Variants in REPS2 observed in about 807,000 individuals in gnomAD.
The protein encoded by REPS2 is ralBP1-associated Eps domain-containing protein 2.
A neutral mutation model predicts 53.6 loss-of-function variants in REPS2; 23 were observed. The observed-to-expected ratio is 0.43, with a 90% CI of 0.31 to 0.61. The LOEUF (loss-of-function observed/expected upper bound fraction) is 0.61, where lower values mean the gene tolerates loss of function less well. Ranked by LOEUF, REPS2 falls within the 20% of genes least tolerant of loss-of-function variation. The pLI is 0.11. For synonymous variants in REPS2, 238 were observed against 218.6 expected (o/e 1.09, Z -0.78); for missense variants, 446 against 534.9 (o/e 0.83, Z 1.64).
At chrX:17,006,133 G>A (rs1207002961) in intron 1 of REPS2, 88 bp from the exon 2 acceptor site, 1 of 1,085,194 alleles carries the variant, frequency 9.2e-7, no homozygotes. Flanking sequence ...GCCACTAGGT[G>A]AAATCCTTGA....
intron 1 of REPS2, among the ~76,000 whole-genome samples, chrX:16,968,818 G>A (rs1180855298): frequency 1.9e-5 from 2 of 107,668 alleles, no homozygotes; most frequent in African/African-American, 6.8e-5. Context: ...CTGGCCGGGC[G>A]GGGGGCTGAC....
At chrX:17,022,583 T>G (rs2061590591) in intron 3 of REPS2, among the ~76,000 whole-genome samples, 1 of 112,471 alleles carries the variant, frequency 8.9e-6, no homozygotes, top group African/African-American at 3.2e-5. Flanking sequence ...GAAATGTAAC[T>G]TCCAGGAGTT....
chrX:17,105,575 T>C (rs1350936976), intron 14 of REPS2, among the ~76,000 whole-genome samples: 5 of 111,992 alleles, frequency 4.5e-5, no homozygotes, highest in African/African-American at 6.5e-5. Context: ...GGGAATTCTC[T>C]AGTCACTGTT....
intron 17 of REPS2, among the ~76,000 whole-genome samples, chrX:17,140,826 G>A (rs1200585275): frequency 2.8e-5 from 3 of 107,124 alleles, no homozygotes; most frequent in Non-Finnish European, 1.9e-5. Context: ...GCTGGAGTGC[G>A]GTGGCGTGAT....
At chrX:17,072,369 A>G (rs1483477256) in intron 11 of REPS2, among the ~76,000 whole-genome samples, 1 of 111,732 alleles carries the variant, frequency 8.9e-6, no homozygotes, top group Non-Finnish European at 1.9e-5. Flanking sequence ...GGTTCAGGGA[A>G]GTAACAGCTA....
At chrX:17,053,257 T>C (rs1343768427) in intron 7 of REPS2, among the ~76,000 whole-genome samples, 1 of 112,508 alleles carries the variant, frequency 8.9e-6, no homozygotes, top group African/African-American at 3.2e-5. Context: ...ATAATACTCA[T>C]GCATGTCAAT....
At chrX:17,190,233 A>G in the REPS2 span, among the ~76,000 whole-genome samples, 1 of 112,335 alleles carries the variant, frequency 8.9e-6, no homozygotes, top group African/African-American at 3.2e-5. Context: ...ATTATGTGGA[A>G]AATCCTAAAG....
intron 9 of REPS2, 25 bp downstream of exon 9, chrX:17,062,557 A>G: frequency 9.3e-7 from 1 of 1,077,054 alleles, no homozygotes; most frequent in African/African-American, 1.8e-5. Context: ...TATGCTAATA[A>G]ATAAGGATGT....
rs775075458 is a variant in REPS2, at chrX:17,147,389, T to G, written c.1915-24T>G. The G allele has an allele frequency of 8.5e-6, 10 of 1,173,526 alleles. No homozygotes were observed. The East Asian group carries it at 2.7e-4, about 32-fold the overall frequency. On this transcript the variant is annotated intron_variant, in intron 17 of 17. Transcript: ENST00000357277. ...GAAATGACCCCTTTGCTTTTTTGTT[T>G]TTCTTGTGTTTTGTACAACTCAGGA...
chrX:17,185,430 G>A, the REPS2 span, among the ~76,000 whole-genome samples: 1 of 111,732 alleles, frequency 8.9e-6, no homozygotes, highest in African/African-American at 3.3e-5. Flanking sequence ...AAGCATGGCA[G>A]CCAGTATTGC....
chrX:17,189,370 C>T, the REPS2 span, among the ~76,000 whole-genome samples: 1 of 108,896 alleles, frequency 9.2e-6, no homozygotes, highest in Non-Finnish European at 1.9e-5. Context: ...ACTGCAACCT[C>T]CGCCTCCCGG....
chrX:17,074,962 C>T (rs907881216), intron 12 of REPS2, among the ~76,000 whole-genome samples: 1 of 111,850 alleles, frequency 8.9e-6, no homozygotes, highest in Non-Finnish European at 1.9e-5. Context: ...ATTTTATATG[C>T]TTGAAATACT....
At chrX:17,193,476 G>T in the REPS2 span, among the ~76,000 whole-genome samples, 1 of 111,245 alleles carries the variant, frequency 9.0e-6, no homozygotes, top group Admixed American at 9.6e-5. Flanking sequence ...CTTGTGAATT[G>T]TCCCAGCATT....
chrX:17,020,428 C>A (rs2061557325), intron 2 of REPS2, among the ~76,000 whole-genome samples: 1 of 111,501 alleles, frequency 9.0e-6, no homozygotes, highest in Non-Finnish European at 1.9e-5. Context: ...ATACCTGAGA[C>A]CAAAACCATA....
At chrX:16,985,478 C>T (rs2061079876) in intron 1 of REPS2, among the ~76,000 whole-genome samples, 1 of 112,153 alleles carries the variant, frequency 8.9e-6, no homozygotes, top group Non-Finnish European at 1.9e-5. Flanking sequence ...TTGACTCCTG[C>T]TGTCCCAATA....
chrX:16,967,774 C>T (rs1281521130), intron 1 of REPS2, among the ~76,000 whole-genome samples: 7 of 110,059 alleles, frequency 6.4e-5, no homozygotes, highest in African/African-American at 2.3e-4. Flanking sequence ...TTGTCATAAG[C>T]TTGATGTCAT....
intron 14 of REPS2, among the ~76,000 whole-genome samples, chrX:17,119,868 C>CTTTTTTTTTTTTTTTTT (rs35141257): frequency 7.4e-5 from 3 of 40,509 alleles, no homozygotes; most frequent in African/African-American, 3.6e-4. Flanking sequence ...CGCACTGTGA[C>CTTTTTTTTTTTTTTTTT]TTTTTTTTTT....
intron 1 of REPS2, among the ~76,000 whole-genome samples, chrX:16,979,634 T>C (rs1327476707): frequency 1.8e-5 from 2 of 111,932 alleles, no homozygotes; most frequent in African/African-American, 6.5e-5. Context: ...TGTTACTTAT[T>C]ATTTGTTTAT....
In REPS2 at chrX:17,017,755, G is replaced by A. The variant is rs772162196; in HGVS notation, c.398-4368G>A. Among the ~76,000 whole-genome samples, 4 of 111,945 alleles carry A rather than the reference G, an allele frequency of 3.6e-5. No individual in the cohort carries two copies. In the South Asian group the frequency reaches 1.5e-3, roughly 41 times the overall value. ...CCACAATGGCTCACATTCCCATGTAGCAACTATCAACTAGAGCTGTGCTGT... is the reference window on the plus strand; with the variant it reads ...CCACAATGGCTCACATTCCCATGTAACAACTATCAACTAGAGCTGTGCTGT... On this transcript the variant is annotated intron_variant, in intron 2 of 17. Transcript: ENST00000357277.
Sources: allele counts gnomAD v4.1 joint callset (sites outside exome capture counted in the v4.1 genomes callset), GRCh38; gene constraint gnomAD v4.1.1; transcripts MANE v1.5; gene names NCBI Gene and HGNC (gene_info 2026-07-23, HGNC 2026-07-21).